The following HS6ST2 variants were observed in gnomAD, a reference collection of about 807,000 sequenced individuals.
HS6ST2 encodes the protein heparan sulfate 6-O-sulfotransferase 2.
Under a neutral mutation model 33.0 loss-of-function variants are expected in HS6ST2, and 17 were observed. That is an observed-to-expected ratio of 0.52 (90% CI 0.35 to 0.77). The LOEUF is 0.77. Among genes scored for constraint, HS6ST2 ranks in the 30% least tolerant of loss-of-function variants. The pLI is 0.01. For synonymous variants in HS6ST2, 248 were observed against 237.1 expected (o/e 1.05, Z -0.42); for missense variants, 519 against 551.7 (o/e 0.94, Z 0.59).
intron 3 of HS6ST2, among the ~76,000 whole-genome samples, chrX:132,691,145 C>T (rs144526523): frequency 5.4e-5 from 6 of 111,524 alleles, no homozygotes; most frequent in African/African-American, 1.6e-4. Context: ...ATTGTAGACC[C>T]GATTCTAGCT....
At chrX:132,909,516 C>G (rs1649556612) in intron 2 of HS6ST2, among the ~76,000 whole-genome samples, 1 of 112,199 alleles carries the variant, frequency 8.9e-6, no homozygotes, top group South Asian at 3.7e-4. Flanking sequence ...TTGATTGGAA[C>G]TCTTTTTTAA....
At chrX:132,777,313 G>T (rs766253643) in intron 2 of HS6ST2, among the ~76,000 whole-genome samples, 5 of 109,285 alleles carry the variant, frequency 4.6e-5, no homozygotes, top group Non-Finnish European at 9.5e-5. Context: ...CTCGATAAAT[G>T]TGTGTTGATT....
intron 2 of HS6ST2, among the ~76,000 whole-genome samples, chrX:132,879,999 C>T (rs1018534961): frequency 1.8e-5 from 2 of 111,557 alleles, no homozygotes; most frequent in Non-Finnish European, 3.8e-5. Flanking sequence ...TCAGAAGGTA[C>T]TTGAACCCAA....
intron 4 of HS6ST2, among the ~76,000 whole-genome samples, chrX:132,644,386 C>T (rs1217772237): frequency 9.0e-6 from 1 of 110,948 alleles, no homozygotes; most frequent in Admixed American, 9.6e-5. Flanking sequence ...TATAAAATTC[C>T]CATTTTGCAG....
chrX:132,719,701 T>C (rs903157506), intron 2 of HS6ST2, among the ~76,000 whole-genome samples: 2 of 112,178 alleles, frequency 1.8e-5, no homozygotes, highest in African/African-American at 6.5e-5. Context: ...ACAAGTGAGT[T>C]TTCACATGTC....
chrX:132,915,446 T>C (rs919201679), intron 2 of HS6ST2, among the ~76,000 whole-genome samples: 2 of 112,292 alleles, frequency 1.8e-5, no homozygotes, highest in Non-Finnish European at 3.8e-5. Context: ...TTTGCTTTAA[T>C]GTGTAACAAC....
chrX:132,902,525 C>T (rs899956040), intron 2 of HS6ST2, among the ~76,000 whole-genome samples: 8 of 111,786 alleles, frequency 7.2e-5, no homozygotes, highest in African/African-American at 2.6e-4. Context: ...ATATTTGTTA[C>T]CTGTGGCCTG....
chrX:132,648,023 T>C (rs1263552761), intron 4 of HS6ST2, among the ~76,000 whole-genome samples: 1 of 112,302 alleles, frequency 8.9e-6, no homozygotes, highest in African/African-American at 3.2e-5. Flanking sequence ...ACTTGCCTCA[T>C]AGAGTGGCTG....
intron 4 of HS6ST2, among the ~76,000 whole-genome samples, chrX:132,660,171 T>G (rs2063760948): frequency 8.9e-6 from 1 of 111,867 alleles, no homozygotes; most frequent in South Asian, 3.8e-4. Context: ...GACAGGGAAT[T>G]TTGCCTGTTT....
intron 4 of HS6ST2, among the ~76,000 whole-genome samples, chrX:132,659,738 C>T (rs1335276571): frequency 9.0e-6 from 1 of 111,650 alleles, no homozygotes; most frequent in Non-Finnish European, 1.9e-5. Flanking sequence ...CTATCACCTA[C>T]TATGTGACTT....
At chrX:132,696,780 C>A (rs1015937411) in intron 3 of HS6ST2, among the ~76,000 whole-genome samples, 1 of 111,900 alleles carries the variant, frequency 8.9e-6, no homozygotes, top group Non-Finnish European at 1.9e-5. Context: ...AAAGGTCACA[C>A]TAAGCGCCTT....
At chrX:132,748,169 AT>A (rs1241310064) in intron 2 of HS6ST2, among the ~76,000 whole-genome samples, 1 of 111,447 alleles carries the variant, frequency 9.0e-6, no homozygotes, top group Admixed American at 9.5e-5. Context: ...CTAAGCTGCA[AT>A]TCCAACCTGC....
chrX:132,781,662 C>T (rs2065017507), intron 2 of HS6ST2, among the ~76,000 whole-genome samples: 1 of 111,217 alleles, frequency 9.0e-6, no homozygotes, highest in African/African-American at 3.3e-5. Flanking sequence ...CCTCAGGGAA[C>T]CTATAATTGA....
At chrX:132,782,561 A>G (rs1175597030) in intron 2 of HS6ST2, among the ~76,000 whole-genome samples, 3 of 111,689 alleles carry the variant, frequency 2.7e-5, no homozygotes, top group Non-Finnish European at 5.6e-5. Flanking sequence ...GATCCTGCAA[A>G]GGGGGTTGAA....
chrX:132,812,444 T>TAATAATAATAAA (rs1434253178), intron 2 of HS6ST2, among the ~76,000 whole-genome samples: 9 of 96,900 alleles, frequency 9.3e-5, no homozygotes, highest in Non-Finnish European at 1.3e-4. Context: ...ATAATAATAA[T>TAATAATAATAAA]AAAATAATAA....
intron 2 of HS6ST2, among the ~76,000 whole-genome samples, chrX:132,891,542 C>T (rs1395706172): frequency 1.8e-5 from 2 of 109,410 alleles, no homozygotes; most frequent in Non-Finnish European, 3.8e-5. Flanking sequence ...ACACTCCCCC[C>T]ACCCCACAAC....
intron 2 of HS6ST2, among the ~76,000 whole-genome samples, chrX:132,868,032 G>A (rs2066009852): frequency 8.9e-6 from 1 of 111,906 alleles, no homozygotes. Flanking sequence ...GCTGTATTCA[G>A]GAGTCCCATC....
At chrX:132,934,830 A>T (rs1285431162) in intron 2 of HS6ST2, among the ~76,000 whole-genome samples, 1 of 111,594 alleles carries the variant, frequency 9.0e-6, no homozygotes, top group African/African-American at 3.2e-5. Flanking sequence ...TGCCAGAATG[A>T]AATAAAAACC....
intron 2 of HS6ST2, among the ~76,000 whole-genome samples, chrX:132,757,967 G>A (rs1017186329): frequency 1.8e-5 from 2 of 111,883 alleles, no homozygotes; most frequent in Non-Finnish European, 3.8e-5. Flanking sequence ...ATCTCCTACC[G>A]AGTGAATAGG....
Sources: gnomAD v4.1 joint callset for allele counts (sites outside exome capture counted in the v4.1 genomes callset) on GRCh38, gnomAD v4.1.1 for gene constraint, MANE v1.5 for transcripts, NCBI Gene and HGNC (gene_info 2026-07-23, HGNC 2026-07-21) for gene names.